NUP50: variants seen among roughly 807,000 people sequenced by gnomAD.
The protein encoded by NUP50 is nucleoporin 50.
A neutral mutation model predicts 36.8 loss-of-function variants in NUP50; 14 were observed. The ratio of observed to expected loss-of-function variants is 0.38; its 90% confidence interval spans 0.25 to 0.59. The LOEUF (loss-of-function observed/expected upper bound fraction) is 0.59. Ranked by LOEUF, NUP50 falls within the 20% of genes least tolerant of loss-of-function variation. The probability of loss-of-function intolerance (pLI) is 0.63; values close to 1 mark genes in which losing one functional copy is unlikely to be tolerated. For synonymous variants in NUP50, 195 were observed against 210.8 expected (o/e 0.93, Z 0.65); for missense variants, 455 against 564.6 (o/e 0.81, Z 1.97).
intron 3 of NUP50, among the ~76,000 whole-genome samples, chr22:45,174,748 T>G (rs1243346322): frequency 6.6e-6 from 1 of 152,212 alleles, no homozygotes; most frequent in Non-Finnish European, 1.5e-5. Context: ...AAATCAAATG[T>G]AGAGCAACAG....
rs905674255 is a variant in NUP50 at position 45,184,904 on chromosome 22, TGTTC to T, written c.*253_*256del. 1 of 520,350 alleles carries T rather than the reference TGTTC, an allele frequency of 1.9e-6. No individual in the cohort carries two copies. Among genetic ancestry groups the T allele is most frequent in the East Asian group, 3.4e-5 (1 of 29,238 alleles). 32.2% of individuals were successfully genotyped at this position (520,350 alleles called of 1,614,324 possible). The stretch of plus-strand genomic sequence containing the variant: ...ATGCAATTTTTGGAAGATTTTTTAA[TGTTC>T]GTTTATTAAACTAACCCTAAGTGAT... On this transcript the variant is annotated 3_prime_UTR_variant, in exon 8 of 8. Transcript: ENST00000347635.
At chr22:45,183,359 T>C (rs1006271665) in intron 6 of NUP50, 43 bp from the exon 7 acceptor site, 1 of 1,151,192 alleles carries the variant, frequency 8.7e-7, no homozygotes, top group South Asian at 1.3e-5. Flanking sequence ...GTGACTTGAT[T>C]CGTCCTTGAA....
intron 3 of NUP50, 195 bp downstream of exon 3, chr22:45,171,878 AATAAG>A (rs1601773050): frequency 1.9e-6 from 1 of 515,374 alleles, no homozygotes; most frequent in Middle Eastern, 3.5e-4. Context: ...CAGTTGAGGA[AATAAG>A]ATAAATATAG....
At position 45,175,704 on chromosome 22, in the gene NUP50, G is replaced by A; in HGVS notation, c.154-190G>A. The A allele has an allele frequency of 8.0e-6, 4 of 501,856 alleles. No individual in the cohort carries two copies. In the South Asian group the frequency reaches 1.3e-4, roughly 16 times the overall value. 31.1% of individuals were successfully genotyped at this position (501,856 alleles called of 1,614,324 possible). On this transcript the variant is annotated intron_variant, in intron 3 of 7. Transcript: ENST00000347635. ...TGTTTCAGGAAAGCAGCTTTGGGTTGCAAAGCTGTTCTTATGAATACAATC... is the reference window on the plus strand; with the variant it reads ...TGTTTCAGGAAAGCAGCTTTGGGTTACAAAGCTGTTCTTATGAATACAATC...
intron 7 of NUP50, chr22:45,184,131 G>A (rs1429526580): frequency 2.7e-5 from 9 of 330,234 alleles, no homozygotes; most frequent in East Asian, 2.7e-4. Context: ...TTGTGCCACC[G>A]TGTTCTTCCT....
rs1394547466 is a variant in NUP50 at position 45,186,708 on chromosome 22, A to T, written c.*2053A>T. 6.6e-6 allele frequency: 1 copy of T among 152,586 alleles called. No individual in the cohort carries two copies. The highest frequency in any genetic ancestry group is 1.9e-4 in the East Asian group (1 of 5,204). 9.5% of individuals were successfully genotyped at this position (152,586 alleles called of 1,614,324 possible). A position where few individuals can be genotyped will look rare whatever the true frequency, so the allele number is the denominator to read the frequency against. ...CCTTTTTTCCTAACATTCCCAGCAA[A>T]TTTTTGCTGCTAAGACTATCACTGT... On this transcript the variant is annotated 3_prime_UTR_variant, in exon 8 of 8. Coordinates refer to ENST00000347635, the MANE Select transcript of NUP50 (RefSeq NM_007172.4).
chr22:45,183,422 A>C lies in NUP50; in HGVS notation c.1106A>C (p.Lys369Thr). The C allele has an allele frequency of 1.3e-6, 2 of 1,598,644 alleles. No homozygotes were observed. The highest frequency in any genetic ancestry group is 1.7e-6 in the Non-Finnish European group (2 of 1,167,660). Residue 369 changes from lysine to threonine, a missense_variant, in exon 7 of 8, where the codon AAA becomes ACA. By Grantham distance (78) the Lys-to-Thr change is moderately conservative. Transcript: ENST00000347635. ...CATAGGTGTAAACTGTTTTACAAGA[A>C]AGACAATGAGTTTAAAGAGAAAGGC... ...YSKKCKLFYK[K>T]DNEFKEKGIG...
At chr22:45,169,811 A>G (rs1052841602) in intron 2 of NUP50, among the ~76,000 whole-genome samples, 1 of 152,194 alleles carries the variant, frequency 6.6e-6, no homozygotes, top group South Asian at 2.1e-4. Flanking sequence ...TGGAGGAGTC[A>G]GGGAACACTC....
At position 45,184,262 on chromosome 22, in the gene NUP50, C is replaced by T. The variant is rs2074432059; in HGVS notation, c.1205-191C>T. On this transcript the variant is annotated intron_variant, in intron 7 of 7. Transcript: ENST00000347635. ...GGAGGGAGGACGGAAGGCCACTCCT[C>T]ACAGTGAGGGCAAGTGCTCCCCGAG... The T allele has an allele frequency of 5.0e-6, 3 of 604,926 alleles. No homozygotes were observed. The Admixed American group carries it at 9.4e-5, about 19-fold the overall frequency. 37.5% of individuals were successfully genotyped at this position (604,926 alleles called of 1,614,324 possible).
At chr22:45,174,655 T>A (rs141698798) in intron 3 of NUP50, among the ~76,000 whole-genome samples, 17 of 150,384 alleles carry the variant, frequency 1.1e-4, no homozygotes, top group African/African-American at 4.2e-4. Flanking sequence ...AAAAGCCACT[T>A]AATGGCTTTA....
intron 3 of NUP50, among the ~76,000 whole-genome samples, chr22:45,174,321 G>C (rs1434179396): frequency 1.3e-5 from 2 of 152,024 alleles, no homozygotes; most frequent in Admixed American, 1.3e-4. Context: ...GGGACTACAG[G>C]CATGCGCCAC....
At position 45,184,461 on chromosome 22, in the gene NUP50, T is replaced by C. The variant is rs755021449; in HGVS notation, c.1213T>C (p.Leu405=). 6.2e-6 allele frequency: 10 copies of C among 1,613,842 alleles called. No homozygotes were observed. Among genetic ancestry groups the C allele is most frequent in the African/African-American group, 2.7e-5 (2 of 74,928 alleles). The change falls in exon 8 of 8, where the codon TTG becomes CTG. Residue 405 remains leucine, a synonymous_variant. Transcript: ENST00000347635. ...TGTTTGTTTGAATGCAGGCAACATA[T>C]TGCTGAACGTTCTGATTCCACCCAA... The part of the protein sequence containing the change: ...VRADTNLGNI[L]LNVLIPPNMP...
At chr22:45,184,401 G>A in intron 7 of NUP50, 52 bp from the exon 8 acceptor site, 1 of 1,502,656 alleles carries the variant, frequency 6.7e-7, no homozygotes, top group Non-Finnish European at 9.3e-7. Flanking sequence ...AGACTCCTTT[G>A]GTGGAGCTAT....
chr22:45,173,315 A>G (rs1036498121), intron 3 of NUP50, among the ~76,000 whole-genome samples: 1 of 151,380 alleles, frequency 6.6e-6, no homozygotes. Flanking sequence ...CCTGTTGTAC[A>G]GTAAACCTCT....
At chr22:45,179,164 A>G (rs1423763736) in intron 5 of NUP50, 2 of 345,678 alleles carry the variant, frequency 5.8e-6, no homozygotes, top group East Asian at 4.8e-5. Context: ...TCAAACACAC[A>G]TGGTTTAGCA....
In NUP50 at chr22:45,187,593, T is replaced by G. The variant is rs972062377; in HGVS notation, c.*2938T>G. 6.6e-6 allele frequency: 1 copy of G among 152,216 alleles called. No individual in the cohort carries two copies. Among genetic ancestry groups the G allele is most frequent in the Non-Finnish European group, 1.5e-5 (1 of 68,038 alleles). The allele number at this position is 152,216 out of a possible 1,614,324, so 9.4% of individuals were successfully genotyped here. A position where few individuals can be genotyped will look rare whatever the true frequency, so the allele number is the denominator to read the frequency against. The stretch of plus-strand genomic sequence containing the variant: ...TATTCTATTTCAGAAGAGTCAAAAT[T>G]CAAGCACGATACATTTTGAAGGCTT... On this transcript the variant is annotated 3_prime_UTR_variant, in exon 8 of 8. Transcript: ENST00000347635.
intron 1 of NUP50, among the ~76,000 whole-genome samples, chr22:45,167,418 T>C (rs760264244): frequency 5.3e-5 from 8 of 152,230 alleles, no homozygotes; most frequent in African/African-American, 1.2e-4. Context: ...GAGCACCCTC[T>C]TTGGTTAGGT....
chr22:45,166,647 G>C (rs1262115814), intron 1 of NUP50, among the ~76,000 whole-genome samples: 2 of 151,710 alleles, frequency 1.3e-5, no homozygotes, highest in African/African-American at 2.4e-5. Context: ...CCAACCCTCT[G>C]GTGGAGACAT....
intron 5 of NUP50, among the ~76,000 whole-genome samples, chr22:45,180,056 A>C (rs1269843161): frequency 6.6e-6 from 1 of 152,216 alleles, no homozygotes; most frequent in Non-Finnish European, 1.5e-5. Flanking sequence ...CCCTCTGGGC[A>C]CAGGGTGAAA....
Sources: gnomAD v4.1 joint callset for allele counts (sites outside exome capture counted in the v4.1 genomes callset) on GRCh38, gnomAD v4.1.1 for gene constraint, MANE v1.5 for transcripts, NCBI Gene and HGNC (gene_info 2026-07-23, HGNC 2026-07-21) for gene names.